Variants in FSTL5 observed in about 807,000 individuals in gnomAD.
FSTL5 encodes the protein follistatin-related protein 5.
A neutral mutation model predicts 89.1 loss-of-function variants in FSTL5; 62 were observed. The ratio of observed to expected loss-of-function variants is 0.70; its 90% CI spans 0.57 to 0.86. FSTL5 has a LOEUF of 0.86. Ranked by LOEUF, FSTL5 falls within the 40% of genes least tolerant of loss-of-function variation. The pLI, the probability that FSTL5 is intolerant of heterozygous loss-of-function variation, is 0.00. For missense variants in FSTL5, 1,057 were observed against 1,001.6 expected (o/e 1.06, Z -0.75); for synonymous variants, 383 against 346.2 (o/e 1.11, Z -1.18).
chr4:161,516,211 C>T (rs1730823774), intron 10 of FSTL5, among the ~76,000 whole-genome samples: 1 of 148,910 alleles, frequency 6.7e-6, no homozygotes, highest in Non-Finnish European at 1.5e-5. Context: ...CTTATGTCCT[C>T]AGCTCCTTAT....
intron 3 of FSTL5, among the ~76,000 whole-genome samples, chr4:161,941,031 G>T (rs1734566888): frequency 6.6e-6 from 1 of 151,854 alleles, no homozygotes; most frequent in Non-Finnish European, 1.5e-5. Context: ...GGAGAGGAAT[G>T]AAGCTGTACG....
At chr4:161,579,752 A>G (rs577190638) in intron 8 of FSTL5, among the ~76,000 whole-genome samples, 16 of 104,974 alleles carry the variant, frequency 1.5e-4, no homozygotes, top group African/African-American at 4.5e-4. Flanking sequence ...AAAGAAAGAA[A>G]AAGAAAAAAA....
rs1733786065 is a variant in FSTL5 at position 162,163,727 on chromosome 4, AAT to A, written c.-131_-130del. The A allele has an allele frequency of 1.3e-5, 2 of 152,022 alleles. No individual in the cohort carries two copies. Among genetic ancestry groups the A allele is most frequent in the Non-Finnish European group, 2.9e-5 (2 of 67,994 alleles). 9.4% of individuals were successfully genotyped at this position (152,022 alleles called of 1,614,324 possible). A position where few individuals can be genotyped will look rare whatever the true frequency, so the allele number is the denominator to read the frequency against. ...AGATCGTCTTAGCTGGGGAAAAAAA[AAT>A]AGTTTGGTCTAAAACTATAGAAATC... On this transcript the variant is annotated 5_prime_UTR_variant, in exon 1 of 16. Transcript: ENST00000306100.
intron 15 of FSTL5, among the ~76,000 whole-genome samples, chr4:161,435,191 C>T (rs1039350408): frequency 2.6e-5 from 4 of 151,732 alleles, no homozygotes; most frequent in African/African-American, 9.7e-5. Flanking sequence ...CATCACCAGA[C>T]GAATGGATAA....
At chr4:162,134,086 G>A (rs543828340) in intron 1 of FSTL5, among the ~76,000 whole-genome samples, 4 of 152,090 alleles carry the variant, frequency 2.6e-5, no homozygotes, top group African/African-American at 4.8e-5. Context: ...ATGGGTGATC[G>A]CCATGGTTTC....
At chr4:161,937,587 T>C (rs907031537) in intron 3 of FSTL5, among the ~76,000 whole-genome samples, 1 of 152,208 alleles carries the variant, frequency 6.6e-6, no homozygotes, top group East Asian at 1.9e-4. Flanking sequence ...GATTCTGACT[T>C]CTCAGCAGCA....
At chr4:161,494,922 T>A (rs1254070418) in intron 12 of FSTL5, among the ~76,000 whole-genome samples, 1 of 151,892 alleles carries the variant, frequency 6.6e-6, no homozygotes, top group Non-Finnish European at 1.5e-5. Context: ...ATTAATCAGA[T>A]TCAGTGGTGT....
intron 4 of FSTL5, among the ~76,000 whole-genome samples, chr4:161,819,895 C>A (rs13141318): frequency 0.12 from 17,828 of 151,800 alleles, 1,339 homozygotes; most frequent in Non-Finnish European, 0.17. Context: ...GTATCAAAAA[C>A]TGTTATTTTG....
At chr4:161,782,875 A>G (rs1194915118) in intron 4 of FSTL5, among the ~76,000 whole-genome samples, 1 of 152,206 alleles carries the variant, frequency 6.6e-6, no homozygotes, top group Non-Finnish European at 1.5e-5. Flanking sequence ...ATGTTCTAGT[A>G]TCCAGGTAAC....
chr4:162,063,475 T>C (rs1449707326), intron 2 of FSTL5, among the ~76,000 whole-genome samples: 1 of 151,892 alleles, frequency 6.6e-6, no homozygotes, highest in Non-Finnish European at 1.5e-5. Context: ...TAAAATTCTT[T>C]GTACTGAAAT....
chr4:161,682,052 C>G (rs1483636119), intron 6 of FSTL5, among the ~76,000 whole-genome samples: 3 of 152,090 alleles, frequency 2.0e-5, no homozygotes, highest in African/African-American at 7.2e-5. Flanking sequence ...GTATTGTGGG[C>G]AATTGTAACA....
At chr4:161,839,088 T>C (rs1471104336) in intron 4 of FSTL5, among the ~76,000 whole-genome samples, 2 of 152,046 alleles carry the variant, frequency 1.3e-5, no homozygotes, top group African/African-American at 4.8e-5. Flanking sequence ...TATTTAAATA[T>C]TTACATGAGA....
At chr4:162,086,303 C>G (rs114313593) in intron 2 of FSTL5, among the ~76,000 whole-genome samples, 1 of 151,662 alleles carries the variant, frequency 6.6e-6, no homozygotes, top group Admixed American at 6.6e-5. Context: ...CATGCTCATT[C>G]CCCCCTCCTT....
chr4:161,732,446 G>C (rs1251557484), intron 6 of FSTL5, among the ~76,000 whole-genome samples: 1 of 151,744 alleles, frequency 6.6e-6, no homozygotes, highest in African/African-American at 2.4e-5. Context: ...TTCTATGGGG[G>C]ACCTTTTCAC....
chr4:162,019,724 T>A (rs1243415611), intron 3 of FSTL5, among the ~76,000 whole-genome samples: 2 of 151,160 alleles, frequency 1.3e-5, no homozygotes, highest in African/African-American at 4.8e-5. Flanking sequence ...TTTTAGCCAT[T>A]AAATAAACTG....
chr4:161,623,145 CA>C (rs1166893186), intron 7 of FSTL5, among the ~76,000 whole-genome samples: 1 of 152,012 alleles, frequency 6.6e-6, no homozygotes, highest in Admixed American at 6.6e-5. Flanking sequence ...CAGGTATATT[CA>C]AAACATCTAA....
intron 4 of FSTL5, among the ~76,000 whole-genome samples, chr4:161,906,252 C>A (rs905149543): frequency 2.0e-5 from 3 of 152,092 alleles, no homozygotes; most frequent in Non-Finnish European, 4.4e-5. Context: ...TACTAGTTAT[C>A]GGCGGTTAAA....
intron 6 of FSTL5, among the ~76,000 whole-genome samples, chr4:161,705,585 G>C (rs1254586867): frequency 6.6e-6 from 1 of 151,688 alleles, no homozygotes; most frequent in Non-Finnish European, 1.5e-5. Flanking sequence ...AAAAGATCTT[G>C]GTCTGAATTC....
intron 2 of FSTL5, among the ~76,000 whole-genome samples, chr4:162,071,851 C>A (rs998988941): frequency 6.6e-6 from 1 of 151,608 alleles, no homozygotes; most frequent in Non-Finnish European, 1.5e-5. Flanking sequence ...GAAAACTGTA[C>A]AATACATATA....
Sources: gnomAD v4.1 joint callset for allele counts (sites outside exome capture counted in the v4.1 genomes callset) on GRCh38, gnomAD v4.1.1 for gene constraint, MANE v1.5 for transcripts, NCBI Gene and HGNC (gene_info 2026-07-23, HGNC 2026-07-21) for gene names.